AGPAT2: variants seen among roughly 807,000 people sequenced by gnomAD.
AGPAT2 encodes the protein 1-acyl-sn-glycerol-3-phosphate acyltransferase beta.
In AGPAT2, 18 loss-of-function variants were observed where a neutral mutation model predicts 26.1. The ratio of observed to expected loss-of-function variants is 0.69; its 90% confidence interval spans 0.48 to 1.02. AGPAT2 has a LOEUF of 1.02. AGPAT2 is among the 50% of genes least tolerant of loss of function. AGPAT2 has a pLI of 0.00. For synonymous variants in AGPAT2, 200 were observed against 174.2 expected (o/e 1.15, Z -1.16); for missense variants, 415 against 394.9 (o/e 1.05, Z -0.43).
rs1340169329 is a variant in AGPAT2, at chr9:136,687,378, G to T, written c.-21C>A. Reference sequence around the variant, plus strand: ...TCCATGGCCCGGCCCGGCGCCCGACGGCGCCGCCAGCTCGCTCCCGCTCCC... The same window carrying T: ...TCCATGGCCCGGCCCGGCGCCCGACTGCGCCGCCAGCTCGCTCCCGCTCCC... On this transcript the variant is annotated 5_prime_UTR_variant, in exon 1 of 6. Transcript: ENST00000371696. The T allele has an allele frequency of 3.5e-6, 5 of 1,440,090 alleles. No homozygotes were observed. The highest frequency in any genetic ancestry group is 4.5e-6 in the Non-Finnish European group (5 of 1,103,868). 89.2% of individuals were successfully genotyped at this position (1,440,090 alleles called of 1,614,324 possible).
chr9:136,681,751 G>A (rs915534902), intron 1 of AGPAT2, among the ~76,000 whole-genome samples: 1 of 152,158 alleles, frequency 6.6e-6, no homozygotes, highest in Non-Finnish European at 1.5e-5. Flanking sequence ...GCGTTGAGCC[G>A]AGATGGTGCC....
intron 1 of AGPAT2, among the ~76,000 whole-genome samples, chr9:136,685,414 A>G (rs1197933271): frequency 6.6e-6 from 1 of 152,210 alleles, no homozygotes; most frequent in Non-Finnish European, 1.5e-5. Flanking sequence ...CAGCAGGTGA[A>G]CTGTGATTTG....
At chr9:136,674,842 T>C in intron 4 of AGPAT2, 35 bp from the exon 5 acceptor site, 1 of 1,496,016 alleles carries the variant, frequency 6.7e-7, no homozygotes, top group East Asian at 2.5e-5. Context: ...GAGGCAGCCC[T>C]GGGGACAGGC....
At chr9:136,686,859 G>A (rs899216155) in intron 1 of AGPAT2, among the ~76,000 whole-genome samples, 6 of 152,234 alleles carry the variant, frequency 3.9e-5, no homozygotes, top group African/African-American at 1.4e-4. Context: ...CTTTCTCTCC[G>A]AAAGCTGCTC....
At position 136,677,092 on chromosome 9, in the gene AGPAT2, G is replaced by A. The variant is rs369878933; in HGVS notation, c.361C>T (p.Arg121Trp). Reference sequence around the variant, plus strand: ...ACGGGCCCCAGGAAGAGCAGCTCCCGCTTGGCGATCTGCACGCAGCGCTCC... The same window carrying A: ...ACGGGCCCCAGGAAGAGCAGCTCCCACTTGGCGATCTGCACGCAGCGCTCC... Reference protein sequence around the residue: ...LPERCVQIAKRELLFLGPVGL... With the variant: ...LPERCVQIAKWELLFLGPVGL... The change falls in exon 3 of 6, where the codon CGG (arginine) becomes TGG (tryptophan). Residue 121 changes from arginine to tryptophan, a missense_variant. Physicochemically the swap from Arg to Trp is moderately radical, Grantham distance 101. Transcript: ENST00000371696. 31 of 1,613,016 alleles carry A rather than the reference G, an allele frequency of 1.9e-5. No individual in the cohort carries two copies. Among genetic ancestry groups the A allele is most frequent in the Admixed American group, 1.0e-4 (6 of 60,004 alleles).
Position 136,673,925 on chromosome 9 carries a change from T to A in AGPAT2, c.664A>T (p.Thr222Ser). ...GCTTCCAGCACCTGCACTGTGACTG[T>A]TCCTGTGGGGGAAGCAACAGACCTC... ...NTKKKFFTSG[T>S]VTVQVLEAIP... The change falls in exon 6 of 6, where the codon ACA becomes TCA. Residue 222 changes from threonine (T) to serine (S), a missense_variant and splice_region_variant. Thr to Ser is a moderately conservative substitution (Grantham distance 58). Coordinates refer to ENST00000371696, the MANE Select transcript of AGPAT2 (RefSeq NM_006412.4). 15 of 1,565,700 alleles carry A rather than the reference T, an allele frequency of 9.6e-6. No homozygotes were observed. The highest frequency in any genetic ancestry group is 1.3e-5 in the Non-Finnish European group (15 of 1,153,666).
At chr9:136,687,084 C>T (rs991251810) in intron 1 of AGPAT2, 92 bp downstream of exon 1, 25 of 1,387,476 alleles carry the variant, frequency 1.8e-5, no homozygotes, top group Non-Finnish European at 2.3e-5. Flanking sequence ...GCGGGACGGG[C>T]GGGGCAGGAA....
chr9:136,675,639 C>A (rs532094864), intron 4 of AGPAT2, among the ~76,000 whole-genome samples: 58 of 152,082 alleles, frequency 3.8e-4, no homozygotes, highest in Non-Finnish European at 7.1e-4. Flanking sequence ...AGCTGCACTG[C>A]GGCCACCCCC....
intron 1 of AGPAT2, among the ~76,000 whole-genome samples, chr9:136,682,074 G>C (rs1999495): frequency 0.12 from 18,895 of 152,174 alleles, 1,368 homozygotes; most frequent in Admixed American, 0.22. Flanking sequence ...GCAAAGTTAA[G>C]TGACTTCCCC....
At position 136,687,439 on chromosome 9, in the gene AGPAT2, T is replaced by A. The variant is rs1311221138; in HGVS notation, c.-82A>T. ...CTCCCCCGCGCGCTCAGGCCCCTTATTGCGAGGGCGGCGGGGCTGGGCGGG... is the reference window on the plus strand; with the variant it reads ...CTCCCCCGCGCGCTCAGGCCCCTTAATGCGAGGGCGGCGGGGCTGGGCGGG... On this transcript the variant is annotated 5_prime_UTR_variant, in exon 1 of 6. Coordinates refer to ENST00000371696, the MANE Select transcript of AGPAT2 (RefSeq NM_006412.4). 7 of 1,172,498 alleles carry A rather than the reference T, an allele frequency of 6.0e-6. No homozygotes were observed. The allele number at this position is 1,172,498 out of a possible 1,614,324, so 72.6% of individuals were successfully genotyped here.
chr9:136,676,561 C>A (rs545802182), intron 4 of AGPAT2, 24 bp downstream of exon 4: 5 of 1,602,056 alleles, frequency 3.1e-6, no homozygotes, highest in Admixed American at 1.7e-5. Flanking sequence ...TGCACCCACC[C>A]AGGGAGGGCT....
At chr9:136,678,777 GCTCTGTCTTGCTCTGT>G (rs879351921) in intron 1 of AGPAT2, among the ~76,000 whole-genome samples, 17,259 of 152,080 alleles carry the variant, frequency 0.11, 1,079 homozygotes, top group Middle Eastern at 0.19. Flanking sequence ...GGCTCCCCTT[GCTCTGTCTTGCTCTGT>G]GACACAATGT....
chr9:136,687,287 G>T lies in AGPAT2; in HGVS notation c.71C>A (p.Ala24Asp). 6.3e-7 allele frequency: 1 copy of T among 1,585,028 alleles called. No homozygotes were observed. Among genetic ancestry groups the T allele is most frequent in the Non-Finnish European group, 8.5e-7 (1 of 1,170,210 alleles). The part of the protein sequence containing the change: ...LLLLVQLSRA[A>D]EFYAKVALYC... ...CAGGGCGACCTTGGCGTAGAACTCG[G>T]CCGCGCGGCTCAGCTGCACCAGCAG... is the stretch of plus-strand genomic sequence containing the variant. Residue 24 changes from alanine to aspartate, a missense_variant, in exon 1 of 6, where the codon GCC (alanine) becomes GAC (aspartate). Ala to Asp is a moderately radical substitution (Grantham distance 126, BLOSUM62 -2). Transcript: ENST00000371696.
At chr9:136,676,458 C>G (rs1241156486) in intron 4 of AGPAT2, 127 bp downstream of exon 4, 1 of 739,272 alleles carries the variant, frequency 1.4e-6, no homozygotes, top group Non-Finnish European at 2.3e-6. Context: ...CTGTCCCCAA[C>G]TCAGTGGGAG....
chr9:136,676,775 C>T, intron 3 of AGPAT2, 95 bp from the exon 4 acceptor site: 1 of 1,366,960 alleles, frequency 7.3e-7, no homozygotes, highest in Non-Finnish European at 1.0e-6. Flanking sequence ...CTTCGCAAAG[C>T]AGCTGGCATG....
intron 4 of AGPAT2, 106 bp from the exon 5 acceptor site, chr9:136,674,913 C>A (rs1189979006): frequency 3.2e-5 from 22 of 697,008 alleles, no homozygotes; most frequent in Non-Finnish European, 4.5e-5. Context: ...CCCACCCCTG[C>A]CTTCGCTGCT....
Position 136,673,735 on chromosome 9 carries a change from C to G in AGPAT2, c.*17G>C, listed in dbSNP as rs768871491. The G allele has an allele frequency of 6.4e-7, 1 of 1,561,242 alleles. No individual in the cohort carries two copies. The highest frequency in any genetic ancestry group is 2.4e-5 in the East Asian group (1 of 42,544). ...TTCCACCTGCCCTCCCCAGGTCATG[C>G]CCTGCCGTGGTCTGGGCTACTGGGC... is the stretch of plus-strand genomic sequence containing the variant. On this transcript the variant is annotated 3_prime_UTR_variant, in exon 6 of 6. Transcript: ENST00000371696.
chr9:136,676,787 G>T, intron 3 of AGPAT2, 107 bp from the exon 4 acceptor site: 1 of 1,302,844 alleles, frequency 7.7e-7, no homozygotes, highest in Non-Finnish European at 1.1e-6. Context: ...GCTGGCATGG[G>T]ACCCCATCTG....
chr9:136,685,493 G>A (rs1309895637), intron 1 of AGPAT2, among the ~76,000 whole-genome samples: 1 of 152,224 alleles, frequency 6.6e-6, no homozygotes, highest in Non-Finnish European at 1.5e-5. Context: ...TCTCACACGA[G>A]GAGGCCGCCG....
Sources: gnomAD v4.1 joint callset for allele counts (sites outside exome capture counted in the v4.1 genomes callset) on GRCh38, gnomAD v4.1.1 for gene constraint, MANE v1.5 for transcripts, NCBI Gene and HGNC (gene_info 2026-07-23, HGNC 2026-07-21) for gene names.